Variants in FBXL17 observed in about 807,000 individuals in gnomAD.
The protein encoded by FBXL17 is F-box and leucine rich repeat protein 17, also known as F-box/LRR-repeat protein 17.
FBXL17 carries 22 observed loss-of-function variants against 66.2 expected under a neutral mutation model. That is an observed-to-expected ratio of 0.33 (90% CI 0.24 to 0.47). The LOEUF (loss-of-function observed/expected upper bound fraction) is 0.47. Among genes scored for constraint, FBXL17 ranks in the 20% least tolerant of loss-of-function variants. The probability of loss-of-function intolerance (pLI) is 1.00; values close to 1 mark genes in which losing one functional copy is unlikely to be tolerated. For synonymous variants in FBXL17, 474 were observed against 400.5 expected (o/e 1.18, Z -2.19); for missense variants, 878 against 948.2 (o/e 0.93, Z 0.97).
intron 4 of FBXL17, among the ~76,000 whole-genome samples, chr5:108,240,980 A>C (rs974326150): frequency 1.3e-5 from 2 of 152,146 alleles, no homozygotes; most frequent in African/African-American, 4.8e-5. Context: ...AAGCCGGTAC[A>C]CCTCTATGCA....
At position 108,113,516 on chromosome 5, in the gene FBXL17, G is replaced by A. The variant is rs548472840; in HGVS notation, c.1745+72601C>T. Among the ~76,000 whole-genome samples, 12 of 152,150 alleles carry A rather than the reference G, an allele frequency of 7.9e-5. No homozygotes were observed. In the South Asian group the frequency reaches 2.5e-3, roughly 32 times the overall value. On this transcript the variant is annotated intron_variant, in intron 6 of 8. Coordinates refer to ENST00000542267, the MANE Select transcript of FBXL17 (RefSeq NM_001163315.3). ...ATATGAATGGGGGTAATAAATGTGA[G>A]CAAATCCAGTAAAGTAAATGAAAAT...
At chr5:108,041,007 G>T (rs1747025082) in intron 6 of FBXL17, among the ~76,000 whole-genome samples, 1 of 152,148 alleles carries the variant, frequency 6.6e-6, no homozygotes, top group Non-Finnish European at 1.5e-5. Context: ...TATGAATACA[G>T]ACCAGGTTAT....
chr5:108,247,226 G>A (rs1357211682), intron 4 of FBXL17, among the ~76,000 whole-genome samples: 2 of 152,110 alleles, frequency 1.3e-5, no homozygotes, highest in Non-Finnish European at 2.9e-5. Flanking sequence ...TATGTATTTG[G>A]ATTCCCATTT....
At chr5:107,973,109 T>C (rs1296175291) in intron 7 of FBXL17, among the ~76,000 whole-genome samples, 1 of 152,140 alleles carries the variant, frequency 6.6e-6, no homozygotes, top group Non-Finnish European at 1.5e-5. Context: ...CCTCACCAGC[T>C]CACTGAACTG....
At chr5:107,989,917 A>G (rs1164022012) in intron 7 of FBXL17, among the ~76,000 whole-genome samples, 1 of 152,184 alleles carries the variant, frequency 6.6e-6, no homozygotes, top group East Asian at 1.9e-4. Flanking sequence ...GGACTTCTAC[A>G]TGAAAAGGAC....
intron 7 of FBXL17, among the ~76,000 whole-genome samples, chr5:108,006,828 G>C (rs1753943797): frequency 1.3e-5 from 2 of 152,136 alleles, no homozygotes; most frequent in Admixed American, 1.3e-4. Context: ...ATGTACTTCA[G>C]GATAAAGGAT....
intron 6 of FBXL17, among the ~76,000 whole-genome samples, chr5:108,099,785 T>C (rs1012448880): frequency 3.3e-5 from 5 of 152,262 alleles, no homozygotes; most frequent in Admixed American, 1.3e-4. Flanking sequence ...ATAGTTAATA[T>C]GCCAGAATGG....
At chr5:107,939,569 T>C (rs1001296570) in intron 7 of FBXL17, among the ~76,000 whole-genome samples, 3 of 152,156 alleles carry the variant, frequency 2.0e-5, no homozygotes, top group African/African-American at 4.8e-5. Flanking sequence ...GGCTGCTGTA[T>C]AGTGGGGAAT....
At chr5:107,959,630 T>G (rs1466441237) in intron 7 of FBXL17, among the ~76,000 whole-genome samples, 1 of 152,304 alleles carries the variant, frequency 6.6e-6, no homozygotes, top group East Asian at 1.9e-4. Flanking sequence ...GTGGCTTTTA[T>G]TACATCCCCA....
chr5:108,046,574 A>G lies in FBXL17; in HGVS notation c.1746-25573T>C, dbSNP rs563053600. On this transcript the variant is annotated intron_variant, in intron 6 of 8. Transcript: ENST00000542267. ...TTACATGAACATTTTTTAGAATTGT[A>G]TCTTGTTTTTAAGAGTATCTCTTTA... Among the ~76,000 whole-genome samples, 11 of 152,148 alleles carry G rather than the reference A, an allele frequency of 7.2e-5. No homozygotes were observed. In the South Asian group the frequency reaches 2.3e-3, roughly 32 times the overall value.
At chr5:107,877,830 G>A (rs1433818898) in intron 8 of FBXL17, among the ~76,000 whole-genome samples, 1 of 152,000 alleles carries the variant, frequency 6.6e-6, no homozygotes, top group Non-Finnish European at 1.5e-5. Flanking sequence ...AAAGTGACAG[G>A]GCCAAATTAA....
intron 4 of FBXL17, among the ~76,000 whole-genome samples, chr5:108,345,964 A>AT (rs1325301007): frequency 6.6e-6 from 1 of 152,152 alleles, no homozygotes; most frequent in African/African-American, 2.4e-5. Context: ...GATTATCAGT[A>AT]TTTGTCAAAG....
chr5:107,861,519 C>G lies in FBXL17; in HGVS notation c.*201G>C, dbSNP rs1298712436. ...TTGTGGCTTTCATAATCTTTAATTT[C>G]TAAGAAAAAAAGCCAGCTCACTTGG... On this transcript the variant is annotated 3_prime_UTR_variant, in exon 9 of 9. Coordinates refer to ENST00000542267, the MANE Select transcript of FBXL17 (RefSeq NM_001163315.3). 2 of 412,118 alleles carry G rather than the reference C, an allele frequency of 4.9e-6. No homozygotes were observed. The highest frequency in any genetic ancestry group is 8.1e-6 in the Non-Finnish European group (2 of 245,774). The allele number at this position is 412,118 out of a possible 1,614,324, so 25.5% of individuals were successfully genotyped here.
intron 7 of FBXL17, among the ~76,000 whole-genome samples, chr5:107,910,383 C>A (rs965137841): frequency 6.6e-6 from 1 of 151,966 alleles, no homozygotes; most frequent in African/African-American, 2.4e-5. Context: ...GTCTTCAAAA[C>A]GACAAAATGA....
At chr5:107,895,825 A>C (rs1050370291) in intron 7 of FBXL17, among the ~76,000 whole-genome samples, 9 of 152,160 alleles carry the variant, frequency 5.9e-5, no homozygotes, top group Non-Finnish European at 1.2e-4. Flanking sequence ...ATGCAGGCAC[A>C]CATTTCCTCC....
At chr5:107,916,514 T>C (rs1400811667) in intron 7 of FBXL17, among the ~76,000 whole-genome samples, 1 of 152,228 alleles carries the variant, frequency 6.6e-6, no homozygotes, top group African/African-American at 2.4e-5. Context: ...AATAAAGGTA[T>C]TTGGAATATA....
At chr5:108,053,241 C>T (rs1424726417) in intron 6 of FBXL17, among the ~76,000 whole-genome samples, 3 of 152,000 alleles carry the variant, frequency 2.0e-5, no homozygotes, top group African/African-American at 7.2e-5. Context: ...AAAGAAACTA[C>T]CATCAGAGTG....
At chr5:108,005,855 G>A (rs1252592387) in intron 7 of FBXL17, among the ~76,000 whole-genome samples, 4 of 152,206 alleles carry the variant, frequency 2.6e-5, no homozygotes, top group African/African-American at 9.7e-5. Flanking sequence ...AAGCTTCTAA[G>A]CCAGGGTAAT....
At position 107,861,813 on chromosome 5, in the gene FBXL17, G is replaced by A; in HGVS notation, c.2013C>T (p.Ile671=). ...AGTCCTGCAGGACGGTGCTGAAGGT[G>A]ATGTGGGGGTACTGCTGCACCAGCT... The part of the protein sequence containing the change: ...VEQLVQQYPH[I]TFSTVLQDCK... The change falls in exon 9 of 9, where the codon ATC becomes ATT. Residue 671 remains isoleucine (I), a synonymous_variant. Transcript: ENST00000542267. The A allele has an allele frequency of 6.4e-7, 1 of 1,574,292 alleles. No homozygotes were observed. The highest frequency in any genetic ancestry group is 8.6e-7 in the Non-Finnish European group (1 of 1,156,896).
Sources: allele counts gnomAD v4.1 joint callset (sites outside exome capture counted in the v4.1 genomes callset), GRCh38; gene constraint gnomAD v4.1.1; transcripts MANE v1.5; gene names NCBI Gene and HGNC (gene_info 2026-07-23, HGNC 2026-07-21).